Variants in NALF1 observed in about 807,000 individuals in gnomAD.
NALF1 encodes the protein NALCN channel auxiliary factor 1, also known as family with sequence similarity 155 member A.
In NALF1, 3 loss-of-function variants were observed where a neutral mutation model predicts 48.4. The observed-to-expected ratio is 0.06, with a 90% CI of 0.03 to 0.16. The LOEUF (loss-of-function observed/expected upper bound fraction) is 0.16. NALF1 is among the 10% of genes least tolerant of loss of function. The pLI is 1.00. For missense variants in NALF1, 526 were observed against 571.5 expected, an observed-to-expected ratio of 0.92 and a Z score of 0.81; for synonymous variants, 262 against 245.7, an observed-to-expected ratio of 1.07 and a Z score of -0.62.
intron 1 of NALF1, among the ~76,000 whole-genome samples, chr13:107,628,640 G>A (rs1879749914): frequency 1.3e-5 from 2 of 152,092 alleles, no homozygotes. Flanking sequence ...CTTAAGCAAT[G>A]CCGCCAATTC....
intron 1 of NALF1, among the ~76,000 whole-genome samples, chr13:107,729,141 A>G (rs915582178): frequency 1.3e-5 from 2 of 152,214 alleles, no homozygotes; most frequent in African/African-American, 4.8e-5. Flanking sequence ...GTCTGAATGC[A>G]TCTGTTTTTG....
intron 1 of NALF1, among the ~76,000 whole-genome samples, chr13:107,653,785 C>T (rs895092673): frequency 2.6e-5 from 4 of 151,904 alleles, no homozygotes; most frequent in Non-Finnish European, 5.9e-5. Flanking sequence ...CATCTCACAC[C>T]ACACACACAA....
intron 1 of NALF1, among the ~76,000 whole-genome samples, chr13:107,517,071 A>T (rs767191837): frequency 6.6e-6 from 1 of 152,142 alleles, no homozygotes; most frequent in Non-Finnish European, 1.5e-5. Flanking sequence ...TTCCTTCCTC[A>T]TTATTTATTT....
chr13:107,180,157 A>C (rs1879032248), intron 2 of NALF1, among the ~76,000 whole-genome samples: 1 of 151,870 alleles, frequency 6.6e-6, no homozygotes, highest in Non-Finnish European at 1.5e-5. Context: ...AACAGAATTT[A>C]AAGAACATCT....
intron 1 of NALF1, among the ~76,000 whole-genome samples, chr13:107,597,024 C>T (rs1254673412): frequency 6.6e-6 from 1 of 152,118 alleles, no homozygotes; most frequent in Non-Finnish European, 1.5e-5. Flanking sequence ...ATTTCCCCTG[C>T]TTCAGTTTTC....
At chr13:107,326,701 C>A (rs553314106) in intron 1 of NALF1, among the ~76,000 whole-genome samples, 41 of 152,278 alleles carry the variant, frequency 2.7e-4, no homozygotes, top group Admixed American at 2.6e-3. Context: ...TTTAAGTGGG[C>A]TTTAGACCCT....
At chr13:107,541,540 C>T (rs1011388159) in intron 1 of NALF1, among the ~76,000 whole-genome samples, 1 of 151,998 alleles carries the variant, frequency 6.6e-6, no homozygotes, top group Non-Finnish European at 1.5e-5. Flanking sequence ...AAGATTTTCC[C>T]CTGTGGACCA....
At chr13:107,806,149 G>A (rs1299181086) in intron 1 of NALF1, among the ~76,000 whole-genome samples, 6 of 152,090 alleles carry the variant, frequency 3.9e-5, no homozygotes, top group Non-Finnish European at 5.9e-5. Flanking sequence ...AGGCACATGC[G>A]TTTTAGAGGG....
chr13:107,289,118 T>C (rs1338663191), intron 1 of NALF1, among the ~76,000 whole-genome samples: 1 of 152,222 alleles, frequency 6.6e-6, no homozygotes, highest in African/African-American at 2.4e-5. Context: ...GATATTGTAC[T>C]TTTTATTTCC....
chr13:107,640,859 T>C (rs1880133269), intron 1 of NALF1, among the ~76,000 whole-genome samples: 2 of 152,300 alleles, frequency 1.3e-5, no homozygotes, highest in Admixed American at 6.5e-5. Flanking sequence ...TGAGGCCCTA[T>C]GGCAAGATAT....
chr13:107,381,173 G>C (rs934453942), intron 1 of NALF1, among the ~76,000 whole-genome samples: 2 of 147,780 alleles, frequency 1.4e-5, no homozygotes, highest in Non-Finnish European at 3.0e-5. Flanking sequence ...CGTTAGAATA[G>C]AGGGGAAGAG....
intron 1 of NALF1, among the ~76,000 whole-genome samples, chr13:107,627,697 G>A (rs1208229259): frequency 1.3e-5 from 2 of 152,056 alleles, no homozygotes; most frequent in Non-Finnish European, 2.9e-5. Flanking sequence ...AGAGAGAACT[G>A]CAGTGGTGGG....
chr13:107,283,852 G>C (rs1451743524), intron 1 of NALF1, among the ~76,000 whole-genome samples: 1 of 151,748 alleles, frequency 6.6e-6, no homozygotes, highest in Non-Finnish European at 1.5e-5. Context: ...TAGAGACGGG[G>C]GTTTCACCGT....
At chr13:107,799,486 A>G (rs559167536) in intron 1 of NALF1, among the ~76,000 whole-genome samples, 7 of 152,222 alleles carry the variant, frequency 4.6e-5, no homozygotes, top group Non-Finnish European at 8.8e-5. Context: ...GAACATGGAA[A>G]TGATGAAGTC....
intron 1 of NALF1, among the ~76,000 whole-genome samples, chr13:107,777,423 A>G (rs1877767757): frequency 6.6e-6 from 1 of 152,188 alleles, no homozygotes. Context: ...GCAATCTGCA[A>G]TGCTGGAGGG....
At chr13:107,713,403 T>C (rs552269551) in intron 1 of NALF1, among the ~76,000 whole-genome samples, 44 of 152,342 alleles carry the variant, frequency 2.9e-4, no homozygotes, top group African/African-American at 1.1e-3. Context: ...TGTAATGATA[T>C]GGCTCATATT....
intron 1 of NALF1, among the ~76,000 whole-genome samples, chr13:107,629,623 C>T (rs6145232): frequency 2.3e-5 from 1 of 43,158 alleles, no homozygotes; most frequent in South Asian, 8.0e-4. Context: ...TCTCTTCTCA[C>T]TTTTTATCTT....
chr13:107,856,667 T>A (rs74661661), intron 1 of NALF1, among the ~76,000 whole-genome samples: 5,960 of 152,246 alleles, frequency 0.039, 283 homozygotes, highest in East Asian at 0.23. Flanking sequence ...AAAAAATAGT[T>A]ATTTTTTTAT....
intron 1 of NALF1, among the ~76,000 whole-genome samples, chr13:107,242,890 C>T (rs958102523): frequency 2.6e-5 from 4 of 152,150 alleles, no homozygotes; most frequent in Admixed American, 6.5e-5. Flanking sequence ...TAATATTCTT[C>T]CCTGTCAACC....
Sources: allele counts gnomAD v4.1 joint callset (sites outside exome capture counted in the v4.1 genomes callset), GRCh38; gene constraint gnomAD v4.1.1; transcripts MANE v1.5; gene names NCBI Gene and HGNC (gene_info 2026-07-23, HGNC 2026-07-21).